The following RGS7 variants were observed in gnomAD, a reference collection of about 807,000 sequenced individuals.
RGS7 encodes the protein regulator of G-protein signaling 7.
Under a neutral mutation model 81.1 loss-of-function variants are expected in RGS7, and 27 were observed. The observed-to-expected ratio is 0.33, with a 90% CI of 0.25 to 0.46. The LOEUF (loss-of-function observed/expected upper bound fraction) is 0.46, where lower values mean the gene tolerates loss of function less well. RGS7 is among the 20% of genes least tolerant of loss of function. The probability of loss-of-function intolerance (pLI) is 1.00; values close to 1 mark genes in which losing one functional copy is unlikely to be tolerated. For missense variants in RGS7, 396 were observed against 607.4 expected (o/e 0.65, Z 3.66); for synonymous variants, 208 against 207.7 (o/e 1.00, Z -0.01).
intron 18 of RGS7, among the ~76,000 whole-genome samples, chr1:240,780,173 A>C (rs1424234352): frequency 6.6e-6 from 1 of 152,106 alleles, no homozygotes; most frequent in Non-Finnish European, 1.5e-5. Context: ...TTGGCTGGGC[A>C]TGGTGGCTCA....
intron 2 of RGS7, among the ~76,000 whole-genome samples, chr1:241,185,485 A>G (rs2072015901): frequency 6.6e-6 from 1 of 152,222 alleles, no homozygotes; most frequent in African/African-American, 2.4e-5. Context: ...AACAGTACCA[A>G]TCAAGTGGAT....
At chr1:241,266,339 T>TGCCAG (rs1335850357) in intron 2 of RGS7, among the ~76,000 whole-genome samples, 3 of 152,236 alleles carry the variant, frequency 2.0e-5, no homozygotes, top group Non-Finnish European at 2.9e-5. Flanking sequence ...TCTGGCATCA[T>TGCCAG]GCCAGGTTTT....
intron 2 of RGS7, among the ~76,000 whole-genome samples, chr1:241,099,190 G>T (rs149673805): frequency 8.9e-4 from 135 of 152,254 alleles, no homozygotes; most frequent in African/African-American, 3.2e-3. Context: ...TCAAGCAAGA[G>T]AATTTCCGTG....
rs114621179 is a variant in RGS7, at chr1:240,849,802, T to G, written c.609+18785A>C. On this transcript the variant is annotated intron_variant, in intron 9 of 18. Transcript: ENST00000440928. The stretch of plus-strand genomic sequence containing the variant: ...ATACTGGAGCCATGCTGCCACAGCC[T>G]GTAGAACGATGAGCCAATTAAACCT... Among the ~76,000 whole-genome samples the G allele has an allele frequency of 5.6e-3, 857 of 152,338 alleles. 6 individuals carry two copies. The highest frequency in any genetic ancestry group is 0.02 in the African/African-American group (824 of 41,574).
intron 3 of RGS7, among the ~76,000 whole-genome samples, chr1:240,992,475 G>A (rs1686595937): frequency 6.6e-6 from 1 of 152,044 alleles, no homozygotes; most frequent in Non-Finnish European, 1.5e-5. Context: ...CTGCACTCCA[G>A]CCTGGGCGAC....
At chr1:241,048,287 A>G (rs898969854) in intron 3 of RGS7, among the ~76,000 whole-genome samples, 1 of 152,202 alleles carries the variant, frequency 6.6e-6, no homozygotes, top group Non-Finnish European at 1.5e-5. Context: ...AGGCACAGAA[A>G]TAAAATATAA....
intron 6 of RGS7, among the ~76,000 whole-genome samples, chr1:240,913,910 C>CT (rs893370897): frequency 1.3e-4 from 19 of 149,194 alleles, no homozygotes; most frequent in African/African-American, 3.7e-4. Context: ...TTTTAATTTT[C>CT]TTTTTTTTAT....
chr1:241,195,768 T>C (rs199945261), intron 2 of RGS7, among the ~76,000 whole-genome samples: 2 of 104,760 alleles, frequency 1.9e-5, no homozygotes, highest in African/African-American at 5.1e-5. Flanking sequence ...AATTGGAAGA[T>C]AGGTCAGAAA....
intron 2 of RGS7, among the ~76,000 whole-genome samples, chr1:241,147,482 G>A (rs899935756): frequency 6.6e-5 from 10 of 151,918 alleles, no homozygotes; most frequent in Admixed American, 4.6e-4. Context: ...ATGACCTTGG[G>A]TAACTCACTT....
intron 18 of RGS7, among the ~76,000 whole-genome samples, chr1:240,792,539 C>T (rs566122175): frequency 1.3e-5 from 2 of 152,294 alleles, no homozygotes; most frequent in South Asian, 2.1e-4. Context: ...GACCCTCTTT[C>T]TTGTGCCACC....
intron 3 of RGS7, among the ~76,000 whole-genome samples, chr1:241,089,045 CTCTCTCTCTCTCTCTCTCTATA>C (rs2063676052): frequency 1.9e-5 from 1 of 51,932 alleles, no homozygotes; most frequent in South Asian, 6.7e-4. Context: ...CTCTCTCTCT[CTCTCTCTCTCTCTCTCTCTATA>C]TATATATATA....
At chr1:241,319,462 A>G (rs2081083220) in intron 2 of RGS7, among the ~76,000 whole-genome samples, 1 of 152,184 alleles carries the variant, frequency 6.6e-6, no homozygotes, top group Non-Finnish European at 1.5e-5. Context: ...ATTAAAGGTG[A>G]TGTTTCCAAG....
intron 2 of RGS7, among the ~76,000 whole-genome samples, chr1:241,272,477 T>C (rs1573453893): frequency 6.6e-6 from 1 of 152,214 alleles, no homozygotes; most frequent in East Asian, 1.9e-4. Flanking sequence ...CCTTCAACTA[T>C]ATTTTGTCAT....
chr1:241,273,175 A>ACCC lies in RGS7; in HGVS notation c.78+82521_78+82523dup, dbSNP rs56000973. 6.0e-3 allele frequency among the ~76,000 whole-genome samples: 634 copies of ACCC among 105,008 alleles called. 6 individuals are homozygous for ACCC. Among genetic ancestry groups the ACCC allele is most frequent in the Middle Eastern group, 0.01 (2 of 194 alleles). 68.9% of individuals were successfully genotyped at this position (105,008 alleles called of 152,430 possible). On this transcript the variant is annotated intron_variant, in intron 2 of 18. Transcript: ENST00000440928. ...TACAGACTAAAGTAAATAATAATGA[A>ACCC]CCCCCCCCCCCAAAGGATACACTCC...
chr1:241,212,782 C>A (rs2147935049), intron 2 of RGS7, among the ~76,000 whole-genome samples: 1 of 152,294 alleles, frequency 6.6e-6, no homozygotes, highest in East Asian at 1.9e-4. Context: ...TGCCCTGGAA[C>A]ATAAGTAGGG....
chr1:240,791,182 C>A (rs762231024), intron 18 of RGS7, among the ~76,000 whole-genome samples: 16 of 152,188 alleles, frequency 1.1e-4, no homozygotes, highest in Admixed American at 2.0e-4. Flanking sequence ...ACTGCCACAG[C>A]CTATTTTAGT....
chr1:241,248,383 TATAC>T (rs1222201783), intron 2 of RGS7, among the ~76,000 whole-genome samples: 1 of 148,122 alleles, frequency 6.8e-6, no homozygotes, highest in Non-Finnish European at 1.5e-5. Context: ...TATATGTATA[TATAC>T]ATACATACAT....
intron 5 of RGS7, 55 bp downstream of exon 5, chr1:240,936,545 C>G: frequency 7.4e-7 from 1 of 1,355,238 alleles, no homozygotes; most frequent in Non-Finnish European, 1.1e-6. Flanking sequence ...ACCTAACTAA[C>G]AAACGAAATG....
Position 240,775,763 on chromosome 1 carries a change from G to A in RGS7, c.*457C>T, listed in dbSNP as rs74432257. The stretch of plus-strand genomic sequence containing the variant: ...GAATTTATTGTTTAATAAATGTGAA[G>A]CCACATGTATACTTATTGATATATA... On this transcript the variant is annotated 3_prime_UTR_variant, in exon 19 of 19. Coordinates refer to ENST00000440928, the MANE Select transcript of RGS7 (RefSeq NM_001364886.1). The A allele has an allele frequency of 9.4e-3, 1,677 of 178,800 alleles. 26 individuals are homozygous for A. Among genetic ancestry groups the A allele is most frequent in the African/African-American group, 0.037 (1,591 of 42,428 alleles). The allele number at this position is 178,800 out of a possible 1,614,324, so 11.1% of individuals were successfully genotyped here.
Sources: allele counts gnomAD v4.1 joint callset (sites outside exome capture counted in the v4.1 genomes callset), GRCh38; gene constraint gnomAD v4.1.1; transcripts MANE v1.5; gene names NCBI Gene and HGNC (gene_info 2026-07-23, HGNC 2026-07-21).